The following ZNF169 variants were observed in gnomAD, a reference collection of about 807,000 sequenced individuals.
ZNF169 encodes zinc finger protein 169.
In ZNF169, 11 loss-of-function variants were observed where a neutral mutation model predicts 12.0. That is an observed-to-expected ratio of 0.92 (90% CI 0.58 to 1.52). The LOEUF (loss-of-function observed/expected upper bound fraction) is 1.52, where lower values mean the gene tolerates loss of function less well. Ranked by LOEUF, ZNF169 falls within the 40% of genes most tolerant of loss-of-function variation. The probability of loss-of-function intolerance (pLI) is 0.00; values close to 1 mark genes in which losing one functional copy is unlikely to be tolerated. For synonymous variants in ZNF169, 302 were observed against 286.5 expected, an observed-to-expected ratio of 1.05 and a Z score of -0.55; for missense variants, 722 against 744.0, an observed-to-expected ratio of 0.97 and a Z score of 0.34.
At chr9:94,292,638 T>TGTGTGTGTGTGTGTGTGTGC in intron 3 of ZNF169, 171 bp downstream of exon 3, 2 of 824,806 alleles carry the variant, frequency 2.4e-6, no homozygotes, top group East Asian at 5.4e-5. Flanking sequence ...TGTGTGTGTG[T>TGTGTGTGTGTGTGTGTGTGC]GTGCGCGTGC....
chr9:94,277,702 C>A (rs1411694346), intron 1 of ZNF169, among the ~76,000 whole-genome samples: 1 of 151,794 alleles, frequency 6.6e-6, no homozygotes, highest in Non-Finnish European at 1.5e-5. Flanking sequence ...GAGGCCGAGG[C>A]GGGCGGATCA....
At chr9:94,292,164 G>A (rs929248357) in intron 2 of ZNF169, among the ~76,000 whole-genome samples, 177 bp from the exon 3 acceptor site, 3 of 152,232 alleles carry the variant, frequency 2.0e-5, no homozygotes, top group African/African-American at 4.8e-5. Context: ...ATCAGTGTAT[G>A]GAGGGGATTA....
chr9:94,298,413 G>T (rs2118666797), intron 4 of ZNF169, among the ~76,000 whole-genome samples: 1 of 152,126 alleles, frequency 6.6e-6, no homozygotes, highest in Non-Finnish European at 1.5e-5. Flanking sequence ...GAGCGCAGTG[G>T]CTCATGCCTA....
chr9:94,300,103 G>A lies in ZNF169; in HGVS notation c.545G>A (p.Gly182Glu), dbSNP rs748087303. The A allele has an allele frequency of 2.4e-5, 38 of 1,614,180 alleles. No homozygotes were observed. The South Asian group carries it at 4.0e-4, about 17-fold the overall frequency. ...GAATGGGTAGAAGGGAACAGAGAAG[G>A]AGGAACAGACCTTCGCCTGGCCCAA... The part of the protein sequence containing the change: ...PVEWVEGNRE[G>E]GTDLRLAQRM... The change falls in exon 5 of 5, where the codon GGA (glycine) becomes GAA (glutamate). Residue 182 changes from glycine to glutamate, a missense_variant. Transcript: ENST00000395395.
intron 1 of ZNF169, among the ~76,000 whole-genome samples, chr9:94,266,085 C>CA (rs34161642): frequency 3.2e-4 from 43 of 134,142 alleles, no homozygotes; most frequent in African/African-American, 6.4e-4. Context: ...GACTTTGTCT[C>CA]AAAAAAAAAA....
At chr9:94,299,636 A>T in intron 4 of ZNF169, 179 bp from the exon 5 acceptor site, 1 of 1,391,400 alleles carries the variant, frequency 7.2e-7, no homozygotes, top group Non-Finnish European at 9.3e-7. Context: ...TGAACCTTTT[A>T]GTTTGGCTGA....
intron 1 of ZNF169, among the ~76,000 whole-genome samples, chr9:94,262,635 A>T (rs1830224939): frequency 6.6e-6 from 1 of 151,700 alleles, no homozygotes; most frequent in Admixed American, 6.6e-5. Flanking sequence ...ATTTTTTTGT[A>T]TTTTTAATAG....
At chr9:94,264,413 G>A (rs556404980) in intron 1 of ZNF169, among the ~76,000 whole-genome samples, 2 of 152,150 alleles carry the variant, frequency 1.3e-5, no homozygotes, top group Admixed American at 6.5e-5. Context: ...GATTACAGAC[G>A]TGAGCCACCG....
intron 4 of ZNF169, chr9:94,299,333 G>T: frequency 4.9e-6 from 2 of 406,966 alleles, no homozygotes; most frequent in Non-Finnish European, 4.3e-6. Flanking sequence ...ATTCGTGGGT[G>T]CCCCTTACTT....
chr9:94,260,130 TC>T (rs1189853162), intron 1 of ZNF169, among the ~76,000 whole-genome samples: 3 of 151,954 alleles, frequency 2.0e-5, no homozygotes, highest in Non-Finnish European at 4.4e-5. Context: ...TTCGCTCTTG[TC>T]GCCCAGGCTG....
Position 94,300,260 on chromosome 9 carries a change from T to A in ZNF169, c.702T>A (p.His234Gln). The A allele has an allele frequency of 6.2e-7, 1 of 1,614,226 alleles. No homozygotes were observed. The highest frequency in any genetic ancestry group is 1.1e-5 in the South Asian group (1 of 91,084). The change falls in exon 5 of 5, where the codon CAT becomes CAA. Residue 234 changes from histidine (H) to glutamine (Q), a missense_variant. Coordinates refer to ENST00000395395, the MANE Select transcript of ZNF169 (RefSeq NM_194320.4). ...KSSLFSHQKHHVCPECGRGFC... is the reference protein window; with the variant it reads ...KSSLFSHQKHQVCPECGRGFC... ...GCCTGTTCAGCCACCAGAAGCATCATGTGTGCCCTGAATGCGGGAGAGGCT... is the reference window on the plus strand; with the variant it reads ...GCCTGTTCAGCCACCAGAAGCATCAAGTGTGCCCTGAATGCGGGAGAGGCT...
chr9:94,267,029 C>T (rs1830306535), intron 1 of ZNF169, among the ~76,000 whole-genome samples: 1 of 152,070 alleles, frequency 6.6e-6, no homozygotes. Flanking sequence ...CTGCCTCAGC[C>T]TTCCGAGTAG....
At chr9:94,296,325 A>G (rs910275037) in intron 4 of ZNF169, among the ~76,000 whole-genome samples, 2 of 152,198 alleles carry the variant, frequency 1.3e-5, no homozygotes, top group African/African-American at 4.8e-5. Context: ...TTTACTTTCT[A>G]TAATCTTAAT....
Position 94,292,699 on chromosome 9 carries a change from T to G in ZNF169, c.160+232T>G, listed in dbSNP as rs1052789164. On this transcript the variant is annotated intron_variant, in intron 3 of 4. Transcript: ENST00000395395. ...TGACACTGCATTTTTCAGGCCTGTT[T>G]ACCCTGGCTGGGCTCCTCCTCTAAG... 91 of 636,432 alleles carry G rather than the reference T, an allele frequency of 1.4e-4. 1 individual carries two copies. The Middle Eastern group carries it at 2.1e-3, about 15-fold the overall frequency. The allele number at this position is 636,432 out of a possible 1,614,324, so 39.4% of individuals were successfully genotyped here. A position where few individuals can be genotyped will look rare whatever the true frequency, so the allele number is the denominator to read the frequency against.
chr9:94,300,759 C>G lies in ZNF169; in HGVS notation c.1201C>G (p.Pro401Ala). ...CCAGGTCACACACTCAGGAGAGAAG[C>G]CTTATGTCTGTGCTGAGTGTGGGCA... ...SHQVTHSGEK[P>A]YVCAECGHSF... is the part of the protein sequence containing the mutation. The change falls in exon 5 of 5, where the codon CCT (proline) becomes GCT (alanine). Residue 401 changes from proline to alanine, a missense_variant. Pro to Ala is a conservative substitution (Grantham distance 27). Transcript: ENST00000395395. 1 of 1,614,020 alleles carries G rather than the reference C, an allele frequency of 6.2e-7. No individual in the cohort carries two copies. The highest frequency in any genetic ancestry group is 8.5e-7 in the Non-Finnish European group (1 of 1,179,990).
chr9:94,294,041 C>T (rs988510151), intron 4 of ZNF169: 3 of 152,224 alleles, frequency 2.0e-5, no homozygotes, highest in African/African-American at 7.2e-5. Context: ...CTGTAAACTT[C>T]TCTGCACATA....
intron 4 of ZNF169, chr9:94,293,662 C>T (rs4602957): frequency 0.38 from 59,113 of 153,874 alleles, 11,862 homozygotes; most frequent in Middle Eastern, 0.46. Flanking sequence ...CTCAGGCAAT[C>T]CATCTGCCTT....
At chr9:94,295,380 A>T (rs1288230264) in intron 4 of ZNF169, 2 of 152,210 alleles carry the variant, frequency 1.3e-5, no homozygotes, top group African/African-American at 4.8e-5. Flanking sequence ...TACAGCAATT[A>T]AGGTATATTA....
At chr9:94,276,667 G>T (rs1375416767) in intron 1 of ZNF169, among the ~76,000 whole-genome samples, 1 of 152,116 alleles carries the variant, frequency 6.6e-6, no homozygotes, top group Non-Finnish European at 1.5e-5. Context: ...GGGATTATAG[G>T]CGTGATCCAT....
Sources: allele counts gnomAD v4.1 joint callset (sites outside exome capture counted in the v4.1 genomes callset), GRCh38; gene constraint gnomAD v4.1.1; transcripts MANE v1.5; gene names NCBI Gene and HGNC (gene_info 2026-07-23, HGNC 2026-07-21).